The following CRELD1 variants were observed in gnomAD, a reference collection of about 807,000 sequenced individuals.
The protein encoded by CRELD1 is protein disulfide isomerase CRELD1.
A neutral mutation model predicts 58.2 loss-of-function variants in CRELD1; 42 were observed. That is an observed-to-expected ratio of 0.72 (90% CI 0.56 to 0.93). CRELD1 has a LOEUF of 0.93. Ranked by LOEUF, CRELD1 falls within the 40% of genes least tolerant of loss-of-function variation. The pLI, the probability that CRELD1 is intolerant of heterozygous loss-of-function variation, is 0.00. For missense variants in CRELD1, 500 were observed against 540.6 expected (o/e 0.92, Z 0.74); for synonymous variants, 222 against 202.0 (o/e 1.10, Z -0.84).
chr3:9,944,261 C>T (rs76189457), intron 10 of CRELD1, 104 bp from the exon 11 acceptor site: 395 of 1,061,932 alleles, frequency 3.7e-4, no homozygotes, highest in Non-Finnish European at 4.9e-4. Flanking sequence ...GCTGGGCAGG[C>T]CTGGTGGCCA....
chr3:9,939,896 CCAGTAGGGG>C (rs1277699828), intron 5 of CRELD1, among the ~76,000 whole-genome samples: 4 of 151,866 alleles, frequency 2.6e-5, no homozygotes, highest in Non-Finnish European at 5.9e-5. Flanking sequence ...TCCTCACTTC[CCAGTAGGGG>C]CAGCCGGGCA....
At chr3:9,937,023 C>T (rs950588857) in intron 3 of CRELD1, among the ~76,000 whole-genome samples, 4 of 152,180 alleles carry the variant, frequency 2.6e-5, no homozygotes, top group African/African-American at 4.8e-5. Context: ...TGAACATTGT[C>T]TACAAGTTTT....
rs1183904009 is a variant in CRELD1, at chr3:9,937,650, G to A, written c.346G>A (p.Val116Met). ...CCTGCTGGAGCTGAGTGAGGAGCTG[G>A]TGGAGAGCTGGTGGTTTCACAAGTG... ...HRLLELSEEL[V>M]ESWWFHKQQE... The change falls in exon 4 of 11, where the codon GTG (valine) becomes ATG (methionine). Residue 116 changes from valine (V) to methionine (M), a missense_variant. Transcript: ENST00000452070. 1.2e-6 allele frequency: 2 copies of A among 1,609,018 alleles called. No individual in the cohort carries two copies. The highest frequency in any genetic ancestry group is 1.3e-5 in the African/African-American group (1 of 74,878).
At chr3:9,940,044 G>A (rs1432300999) in intron 5 of CRELD1, among the ~76,000 whole-genome samples, 1 of 150,548 alleles carries the variant, frequency 6.6e-6, no homozygotes, top group Non-Finnish European at 1.5e-5. Flanking sequence ...GCTGCCGGGC[G>A]GAGGGGCTCC....
intron 1 of CRELD1, 186 bp downstream of exon 1, chr3:9,934,106 C>G (rs1254027244): frequency 1.4e-5 from 6 of 420,298 alleles, no homozygotes; most frequent in Non-Finnish European, 2.6e-5. Context: ...TCTCTTCTCC[C>G]TAATTCTGCG....
At chr3:9,938,448 A>G (rs1004587626) in intron 5 of CRELD1, 1 of 331,592 alleles carries the variant, frequency 3.0e-6, no homozygotes. Flanking sequence ...ATCGCCATCC[A>G]TCCTCACACA....
chr3:9,942,038 G>T (rs1347074911), intron 7 of CRELD1, among the ~76,000 whole-genome samples: 2 of 152,108 alleles, frequency 1.3e-5, no homozygotes, highest in African/African-American at 4.8e-5. Flanking sequence ...AGAGGCTGAA[G>T]TGGGGTGGAT....
intron 7 of CRELD1, among the ~76,000 whole-genome samples, chr3:9,941,417 C>T (rs1016644521): frequency 1.3e-5 from 2 of 152,148 alleles, no homozygotes; most frequent in Non-Finnish European, 2.9e-5. Context: ...AGAGATGCCT[C>T]TGATCTAGTT....
At chr3:9,942,746 A>T in intron 7 of CRELD1, 67 bp from the exon 8 acceptor site, 1 of 1,271,842 alleles carries the variant, frequency 7.9e-7, no homozygotes, top group Non-Finnish European at 1.2e-6. Flanking sequence ...CCATTCCCCA[A>T]CGGCTCTGGC....
intron 10 of CRELD1, 200 bp downstream of exon 10, chr3:9,943,715 G>T (rs1575652518): frequency 1.0e-6 from 1 of 985,260 alleles, no homozygotes; most frequent in East Asian, 1.1e-4. Context: ...GGTACAAAGG[G>T]AATCAGACCT....
Position 9,934,854 on chromosome 3 carries a change from G to C in CRELD1, c.194G>C (p.Arg65Pro). The part of the protein sequence containing the change: ...SFNKGLERTI[R>P]DNFGGGNTAW... ...TTCCAGGGCCTGGAGAGAACCATCCGGGACAACTTTGGAGGTGGAAACACT... is the reference window on the plus strand; with the variant it reads ...TTCCAGGGCCTGGAGAGAACCATCCCGGACAACTTTGGAGGTGGAAACACT... Residue 65 changes from arginine to proline, a missense_variant, in exon 3 of 11, where the codon CGG (arginine) becomes CCG (proline). Coordinates refer to ENST00000452070, the MANE Select transcript of CRELD1 (RefSeq NM_001077415.3). 6.2e-7 allele frequency: 1 copy of C among 1,612,878 alleles called. No individual in the cohort carries two copies. Among genetic ancestry groups the C allele is most frequent in the Non-Finnish European group, 8.5e-7 (1 of 1,179,536 alleles).
intron 7 of CRELD1, 148 bp downstream of exon 7, chr3:9,941,354 A>G (rs2085360827): frequency 1.5e-6 from 1 of 656,418 alleles, no homozygotes; most frequent in Middle Eastern, 4.2e-4. Context: ...AAGTAACCAG[A>G]TACTTACAGT....
chr3:9,933,952 G>A, intron 1 of CRELD1, 32 bp downstream of exon 1: 1 of 348,996 alleles, frequency 2.9e-6, no homozygotes, highest in Non-Finnish European at 5.3e-6. Flanking sequence ...CTCGTGGGCC[G>A]TGCCTTTGCC....
intron 10 of CRELD1, 67 bp from the exon 11 acceptor site, chr3:9,944,298 G>A: frequency 1.4e-6 from 2 of 1,395,602 alleles, no homozygotes. Context: ...GGGAGTTCTG[G>A]GGAGACTCCA....
intron 10 of CRELD1, chr3:9,943,774 G>A: frequency 6.2e-7 from 1 of 1,603,864 alleles, no homozygotes. Flanking sequence ...TCTATCCAAT[G>A]GGACCAGTGT....
chr3:9,939,987 C>T (rs9833566), intron 5 of CRELD1, among the ~76,000 whole-genome samples: 27,168 of 151,520 alleles, frequency 0.18, 2,537 homozygotes, highest in African/African-American at 0.21. Flanking sequence ...CCCTCCCGGA[C>T]GGGCTGGCTG....
intron 7 of CRELD1, 91 bp downstream of exon 7, chr3:9,941,297 C>G (rs2085359723): frequency 1.8e-6 from 2 of 1,122,646 alleles, no homozygotes; most frequent in Admixed American, 4.4e-5. Context: ...CTAGACTAGC[C>G]TAGTCTCCAC....
At chr3:9,938,168 G>T (rs1210288277) in intron 5 of CRELD1, 62 bp downstream of exon 5, 103 of 1,293,046 alleles carry the variant, frequency 8.0e-5, no homozygotes, top group Non-Finnish European at 7.8e-5. Context: ...ATCCAGTCCT[G>T]GCTCTGTCCC....
rs747497885 is a variant in CRELD1 at position 9,937,552 on chromosome 3, G to A, written c.258-10G>A. On this transcript the variant is annotated splice_polypyrimidine_tract_variant and intron_variant, in intron 3 of 10. Transcript: ENST00000452070. ...GCATGTTTCCCACCAGCCCTGCCCT[G>A]TCCGATCAGTGAGACCCGCCTGGTA... 1 of 1,600,878 alleles carries A rather than the reference G, an allele frequency of 6.2e-7. No individual in the cohort carries two copies. Among genetic ancestry groups the A allele is most frequent in the South Asian group, 1.1e-5 (1 of 89,408 alleles).
Sources: gnomAD v4.1 joint callset for allele counts (sites outside exome capture counted in the v4.1 genomes callset) on GRCh38, gnomAD v4.1.1 for gene constraint, MANE v1.5 for transcripts, NCBI Gene and HGNC (gene_info 2026-07-23, HGNC 2026-07-21) for gene names.